Variants in DPF3 observed in about 807,000 individuals in gnomAD.
The protein encoded by DPF3 is double PHD fingers 3.
A neutral mutation model predicts 56.8 loss-of-function variants in DPF3; 18 were observed. That is an observed-to-expected ratio of 0.32 (90% confidence interval 0.22 to 0.47). The LOEUF (loss-of-function observed/expected upper bound fraction) is 0.47, where lower values mean the gene tolerates loss of function less well. Among genes scored for constraint, DPF3 ranks in the 20% least tolerant of loss-of-function variants. DPF3 has a pLI of 1.00. For missense variants in DPF3, 403 were observed against 488.8 expected (o/e 0.82, Z 1.65); for synonymous variants, 188 against 180.2 (o/e 1.04, Z -0.35).
Position 72,775,579 on chromosome 14 carries a change from A to G in DPF3, c.33-3686T>C, listed in dbSNP as rs538676354. On this transcript the variant is annotated intron_variant, in intron 1 of 10. Transcript: ENST00000556509. ...TTATTAGTTACAAGCATGCTGGGGG[A>G]AAATGTATATTTCTAAATATAATCT... 4.6e-5 allele frequency among the ~76,000 whole-genome samples: 7 copies of G among 152,282 alleles called. No homozygotes were observed. The South Asian group carries it at 1.2e-3, about 27-fold the overall frequency.
chr14:72,865,959 A>C (rs915836096), intron 1 of DPF3, among the ~76,000 whole-genome samples: 3 of 152,164 alleles, frequency 2.0e-5, no homozygotes, highest in African/African-American at 7.2e-5. Flanking sequence ...AGGCAGGAGA[A>C]TCACTTGAAC....
chr14:72,758,693 C>A (rs1027559000), intron 2 of DPF3, among the ~76,000 whole-genome samples: 3 of 152,052 alleles, frequency 2.0e-5, no homozygotes, highest in African/African-American at 7.2e-5. Context: ...TGTATGATTC[C>A]CGGGGTACTG....
At chr14:72,707,787 T>C (rs1313081239) in intron 6 of DPF3, among the ~76,000 whole-genome samples, 2 of 144,986 alleles carry the variant, frequency 1.4e-5, no homozygotes, top group Non-Finnish European at 1.5e-5. Flanking sequence ...AGTGAGATTA[T>C]GGGTCATTTT....
intron 6 of DPF3, among the ~76,000 whole-genome samples, chr14:72,705,068 C>A (rs1396054739): frequency 6.6e-6 from 1 of 152,174 alleles, no homozygotes; most frequent in Non-Finnish European, 1.5e-5. Context: ...GGGTCCCCAA[C>A]CCCCCGGGCT....
intron 1 of DPF3, among the ~76,000 whole-genome samples, chr14:72,835,091 T>C (rs1217930792): frequency 1.0e-5 from 1 of 98,226 alleles, no homozygotes; most frequent in African/African-American, 3.9e-5. Flanking sequence ...CAGAATTTCT[T>C]TTTTCTTTTT....
intron 1 of DPF3, among the ~76,000 whole-genome samples, chr14:72,869,783 G>A (rs745477552): frequency 2.0e-5 from 3 of 152,182 alleles, no homozygotes; most frequent in Non-Finnish European, 4.4e-5. Context: ...CTCAGAGAGA[G>A]AGGTGGGGAA....
intron 3 of DPF3, among the ~76,000 whole-genome samples, chr14:72,737,164 A>G (rs1051587118): frequency 6.6e-6 from 1 of 151,902 alleles, no homozygotes; most frequent in African/African-American, 2.4e-5. Flanking sequence ...TCTTTTAAAA[A>G]CAACCAAAAA....
At chr14:72,822,893 T>C (rs547547536) in intron 1 of DPF3, among the ~76,000 whole-genome samples, 1 of 152,284 alleles carries the variant, frequency 6.6e-6, no homozygotes, top group South Asian at 2.1e-4. Context: ...AAATCTGAAA[T>C]GCAAAATCCT....
intron 1 of DPF3, among the ~76,000 whole-genome samples, chr14:72,867,518 T>C (rs553751561): frequency 1.3e-5 from 2 of 152,272 alleles, no homozygotes; most frequent in Admixed American, 1.3e-4. Context: ...CGATAGATGG[T>C]TGGGGTACTC....
chr14:72,795,288 AAAAAAAAATAT>A (rs1892597210), intron 1 of DPF3, among the ~76,000 whole-genome samples: 1 of 133,386 alleles, frequency 7.5e-6, no homozygotes, highest in Non-Finnish European at 1.6e-5. Flanking sequence ...AAAAAAAAAA[AAAAAAAAATAT>A]ATATATATAT....
intron 1 of DPF3, among the ~76,000 whole-genome samples, chr14:72,808,401 C>G (rs1882885335): frequency 1.3e-5 from 2 of 152,144 alleles, no homozygotes; most frequent in African/African-American, 4.8e-5. Context: ...ATTTCGAACT[C>G]AAATAGTAAG....
intron 9 of DPF3, among the ~76,000 whole-genome samples, chr14:72,622,069 G>T (rs1375153305): frequency 6.6e-6 from 1 of 152,224 alleles, no homozygotes; most frequent in Non-Finnish European, 1.5e-5. Context: ...GAATGTGTGA[G>T]AGCAAATGTC....
intron 9 of DPF3, among the ~76,000 whole-genome samples, chr14:72,626,261 C>A (rs1361050042): frequency 6.6e-6 from 1 of 152,038 alleles, no homozygotes; most frequent in African/African-American, 2.4e-5. Flanking sequence ...CTCCCTTATC[C>A]CTACTATCCC....
intron 3 of DPF3, among the ~76,000 whole-genome samples, chr14:72,733,727 G>C (rs1325816309): frequency 6.6e-6 from 1 of 152,060 alleles, no homozygotes; most frequent in Non-Finnish European, 1.5e-5. Flanking sequence ...CAAATGGAAA[G>C]AGCAGCACCA....
chr14:72,640,880 G>A (rs1466258756), intron 8 of DPF3, among the ~76,000 whole-genome samples: 1 of 152,200 alleles, frequency 6.6e-6, no homozygotes, highest in South Asian at 2.1e-4. Context: ...TTGGAAGTTG[G>A]TGAGACATTC....
At chr14:72,844,617 C>G (rs1433447914) in intron 1 of DPF3, among the ~76,000 whole-genome samples, 1 of 150,220 alleles carries the variant, frequency 6.7e-6, no homozygotes, top group Admixed American at 6.9e-5. Flanking sequence ...CATTTTCACA[C>G]ACACTCACGC....
At chr14:72,885,133 A>C (rs1159759836) in intron 1 of DPF3, among the ~76,000 whole-genome samples, 1 of 146,594 alleles carries the variant, frequency 6.8e-6, no homozygotes, top group Middle Eastern at 3.7e-3. Flanking sequence ...CTCAAAAAAA[A>C]AAAACAGGAA....
At chr14:72,688,723 T>C (rs911993389) in intron 7 of DPF3, among the ~76,000 whole-genome samples, 3 of 152,192 alleles carry the variant, frequency 2.0e-5, no homozygotes, top group Non-Finnish European at 4.4e-5. Flanking sequence ...TGTGTGTACA[T>C]ATGCATGTGC....
Position 72,612,327 on chromosome 14 carries a change from C to T in DPF3, c.*6970G>A. 2.3e-6 allele frequency: 1 copy of T among 431,804 alleles called. No individual in the cohort carries two copies. Among genetic ancestry groups the T allele is most frequent in the South Asian group, 1.8e-5 (1 of 55,910 alleles). The allele number at this position is 431,804 out of a possible 1,614,324, so 26.7% of individuals were successfully genotyped here. A position where few individuals can be genotyped will look rare whatever the true frequency, so the allele number is the denominator to read the frequency against. ...GGTGAGCCAGGGACGCCCTGCCTACCTACCCCGCCTCTCTCCAGCCACCTG... is the reference window on the plus strand; with the variant it reads ...GGTGAGCCAGGGACGCCCTGCCTACTTACCCCGCCTCTCTCCAGCCACCTG... On this transcript the variant is annotated 3_prime_UTR_variant, in exon 11 of 11. Coordinates refer to ENST00000556509, the MANE Select transcript of DPF3 (RefSeq NM_001280542.3).
Sources: gnomAD v4.1 joint callset for allele counts (sites outside exome capture counted in the v4.1 genomes callset) on GRCh38, gnomAD v4.1.1 for gene constraint, MANE v1.5 for transcripts, NCBI Gene and HGNC (gene_info 2026-07-23, HGNC 2026-07-21) for gene names.